NPSR1: variants seen among roughly 807,000 people sequenced by gnomAD.
The protein encoded by NPSR1 is neuropeptide S receptor.
A neutral mutation model predicts 46.9 loss-of-function variants in NPSR1; 48 were observed. The ratio of observed to expected loss-of-function variants is 1.02; its 90% confidence interval spans 0.81 to 1.30. NPSR1 has a LOEUF of 1.30. Ranked by LOEUF, NPSR1 falls within the 50% of genes most tolerant of loss-of-function variation. NPSR1 has a pLI of 0.00. For synonymous variants in NPSR1, 176 were observed against 168.1 expected (o/e 1.05, Z -0.36); for missense variants, 450 against 449.5 (o/e 1.00, Z -0.01).
chr7:34,819,398 T>C (rs1413652942), intron 4 of NPSR1, among the ~76,000 whole-genome samples: 4 of 152,126 alleles, frequency 2.6e-5, no homozygotes, highest in Non-Finnish European at 4.4e-5. Flanking sequence ...ATAGTGACCA[T>C]TAAAAAGTCA....
intron 2 of NPSR1, among the ~76,000 whole-genome samples, chr7:34,743,761 C>A (rs759621991): frequency 1.3e-5 from 2 of 152,058 alleles, no homozygotes; most frequent in African/African-American, 2.4e-5. Context: ...ATTATGATTT[C>A]TTTTTGGGCA....
At chr7:34,854,144 A>C (rs1217757171), downstream of NPSR1, among the ~76,000 whole-genome samples, 1 of 152,230 alleles carries the variant, frequency 6.6e-6, no homozygotes, top group East Asian at 1.9e-4. Flanking sequence ...TCATCACTAA[A>C]ATAGTAGAAA....
At chr7:34,671,263 A>C (rs1477785925) in intron 1 of NPSR1, among the ~76,000 whole-genome samples, 1 of 152,218 alleles carries the variant, frequency 6.6e-6, no homozygotes, top group Non-Finnish European at 1.5e-5. Flanking sequence ...ATGGAAAAGT[A>C]AGAAATTCTC....
chr7:34,783,138 G>A (rs533572829), intron 3 of NPSR1, among the ~76,000 whole-genome samples: 27 of 152,134 alleles, frequency 1.8e-4, no homozygotes, highest in African/African-American at 5.8e-4. Context: ...AGATTTATGA[G>A]GCAGCATCAA....
chr7:34,791,189 TATATGTTATATATTATATTATATATGTTA>T (rs1787850944), intron 3 of NPSR1, among the ~76,000 whole-genome samples: 1 of 75,420 alleles, frequency 1.3e-5, no homozygotes, highest in Non-Finnish European at 2.4e-5. Flanking sequence ...TTATATATGT[TATATGTTATATATTATATTATATATGTTA>T]TATGTTATAT....
At chr7:34,763,827 C>A (rs1039328142) in intron 2 of NPSR1, among the ~76,000 whole-genome samples, 1 of 152,176 alleles carries the variant, frequency 6.6e-6, no homozygotes, top group African/African-American at 2.4e-5. Flanking sequence ...TCAGCAAACA[C>A]CCTGACTAAC....
At chr7:34,748,067 A>T (rs1785305287) in intron 2 of NPSR1, among the ~76,000 whole-genome samples, 1 of 152,204 alleles carries the variant, frequency 6.6e-6, no homozygotes, top group Non-Finnish European at 1.5e-5. Context: ...TCACAGCAAA[A>T]GGGCCTCTAA....
intron 5 of NPSR1, among the ~76,000 whole-genome samples, chr7:34,833,923 A>G (rs751722280): frequency 6.6e-6 from 1 of 152,198 alleles, no homozygotes; most frequent in Non-Finnish European, 1.5e-5. Context: ...GCCACATTGC[A>G]TTGATTAGAG....
At chr7:34,868,921 A>T (rs1455324653) in intron 8 of NPSR1, among the ~76,000 whole-genome samples, 1 of 151,708 alleles carries the variant, frequency 6.6e-6, no homozygotes, top group African/African-American at 2.4e-5. Context: ...CAAACTGGCT[A>T]CTTGCAACAA....
rs182480969 is a variant in NPSR1, at chr7:34,875,391, C to G, written c.1026-2685C>G. ...CACACATTGAAGATTGAGAAGCCCTCTTCTAAGGGGTAACGTCTTCCAGAG... is the reference window on the plus strand; with the variant it reads ...CACACATTGAAGATTGAGAAGCCCTGTTCTAAGGGGTAACGTCTTCCAGAG... On this transcript the variant is annotated intron_variant, in intron 8 of 8. Coordinates refer to the NPSR1 transcript ENST00000359791. Among the ~76,000 whole-genome samples, 102 of 152,324 alleles carry G rather than the reference C, an allele frequency of 6.7e-4. 1 individual carries two copies. The highest frequency in any genetic ancestry group is 5.2e-3 in the South Asian group (25 of 4,824).
intron 5 of NPSR1, among the ~76,000 whole-genome samples, chr7:34,831,027 GC>G (rs1790094198): frequency 6.6e-6 from 1 of 152,052 alleles, no homozygotes; most frequent in Non-Finnish European, 1.5e-5. Flanking sequence ...AGCTTCCCTT[GC>G]CAACCCTGGA....
intron 3 of NPSR1, among the ~76,000 whole-genome samples, chr7:34,791,636 A>T (rs1787886987): frequency 6.6e-6 from 1 of 152,064 alleles, no homozygotes; most frequent in South Asian, 2.1e-4. Flanking sequence ...AATCAAAGCT[A>T]TCTACAGATT....
chr7:34,697,288 GT>G (rs1297486293), intron 2 of NPSR1, among the ~76,000 whole-genome samples: 3 of 152,064 alleles, frequency 2.0e-5, no homozygotes, highest in Non-Finnish European at 4.4e-5. Flanking sequence ...CCTGGATGTA[GT>G]AAAAGTACTA....
intron 3 of NPSR1, among the ~76,000 whole-genome samples, chr7:34,790,150 G>T (rs1048179126): frequency 6.6e-6 from 1 of 151,972 alleles, no homozygotes; most frequent in African/African-American, 2.4e-5. Context: ...TATTTCAATA[G>T]CACACTTGAA....
intron 2 of NPSR1, among the ~76,000 whole-genome samples, chr7:34,762,636 C>T (rs539470335): frequency 1.3e-5 from 2 of 152,276 alleles, no homozygotes; most frequent in East Asian, 3.9e-4. Flanking sequence ...TATATACACA[C>T]TCGCTTTAAA....
At chr7:34,672,634 T>C (rs1792116988) in intron 1 of NPSR1, among the ~76,000 whole-genome samples, 1 of 152,218 alleles carries the variant, frequency 6.6e-6, no homozygotes, top group Admixed American at 6.5e-5. Flanking sequence ...AATGCAGTTA[T>C]TCAACATGTC....
At chr7:34,798,459 C>A (rs537561131) in intron 3 of NPSR1, among the ~76,000 whole-genome samples, 1 of 152,032 alleles carries the variant, frequency 6.6e-6, no homozygotes, top group Non-Finnish European at 1.5e-5. Flanking sequence ...CTCTTGAACC[C>A]GGAAGGCGAA....
intron 8 of NPSR1, chr7:34,878,041 C>T (rs894543729): frequency 3.2e-5 from 41 of 1,285,358 alleles, no homozygotes; most frequent in Non-Finnish European, 4.1e-5. Context: ...GACCCAGGTC[C>T]CTATACATTT....
intron 2 of NPSR1, among the ~76,000 whole-genome samples, chr7:34,716,667 A>G (rs187623583): frequency 1.4e-4 from 21 of 152,234 alleles, no homozygotes; most frequent in Non-Finnish European, 2.8e-4. Flanking sequence ...GAATATTATG[A>G]TATCACCAGG....
Sources: allele counts gnomAD v4.1 joint callset (sites outside exome capture counted in the v4.1 genomes callset), GRCh38; gene constraint gnomAD v4.1.1; transcripts MANE v1.5; gene names NCBI Gene and HGNC (gene_info 2026-07-23, HGNC 2026-07-21).